Variants in KLF12 observed in about 807,000 individuals in gnomAD.
KLF12 encodes Krueppel-like factor 12.
Under a neutral mutation model 37.8 loss-of-function variants are expected in KLF12, and 9 were observed. The ratio of observed to expected loss-of-function variants is 0.24; its 90% CI spans 0.14 to 0.42. The LOEUF (loss-of-function observed/expected upper bound fraction) is 0.42, where lower values mean the gene tolerates loss of function less well. Ranked by LOEUF, KLF12 falls within the 10% of genes least tolerant of loss-of-function variation. KLF12 has a pLI of 1.00. For missense variants in KLF12, 411 were observed against 516.0 expected, an observed-to-expected ratio of 0.80 and a Z score of 1.97; for synonymous variants, 208 against 202.1, an observed-to-expected ratio of 1.03 and a Z score of -0.25.
chr13:73,913,553 T>A (rs1888674936), intron 3 of KLF12, among the ~76,000 whole-genome samples: 2 of 152,160 alleles, frequency 1.3e-5, no homozygotes, highest in Non-Finnish European at 2.9e-5. Flanking sequence ...ACCAAGAGAC[T>A]CCTCAGTCCT....
At chr13:73,743,674 T>C (rs113433520) in intron 6 of KLF12, among the ~76,000 whole-genome samples, 2,611 of 152,202 alleles carry the variant, frequency 0.017, 64 homozygotes, top group African/African-American at 0.056. Flanking sequence ...TATGTGTGGG[T>C]TTATGTGTAT....
At chr13:74,075,175 C>CACTGAGGATG (rs1477510069) in intron 1 of KLF12, among the ~76,000 whole-genome samples, 3 of 152,170 alleles carry the variant, frequency 2.0e-5, no homozygotes, top group African/African-American at 7.2e-5. Flanking sequence ...ATTTACTAAG[C>CACTGAGGATG]ACTGAGGATG....
chr13:73,813,100 T>C (rs1594120972), intron 5 of KLF12, 52 bp downstream of exon 5: 1 of 1,589,434 alleles, frequency 6.3e-7, no homozygotes, highest in Admixed American at 1.7e-5. Context: ...GTTTCCATTA[T>C]CCATTGAACA....
At chr13:74,025,563 TAAA>T (rs113282471) in intron 1 of KLF12, among the ~76,000 whole-genome samples, 5 of 140,322 alleles carry the variant, frequency 3.6e-5, no homozygotes, top group Non-Finnish European at 1.6e-5. Context: ...TGTTCAGAGT[TAAA>T]AAAAAAAAAA....
At chr13:73,742,491 C>T (rs866643816) in intron 6 of KLF12, among the ~76,000 whole-genome samples, 9 of 152,304 alleles carry the variant, frequency 5.9e-5, no homozygotes, top group Middle Eastern at 6.8e-3. Context: ...TGGCTAGATA[C>T]TACGCTAAAT....
intron 3 of KLF12, 131 bp downstream of exon 3, chr13:73,943,850 T>C: frequency 1.6e-6 from 1 of 620,708 alleles, no homozygotes; most frequent in Non-Finnish European, 2.8e-6. Context: ...AGATTTTTGT[T>C]TGTTTTAACC....
chr13:74,029,545 T>C (rs892844920), intron 1 of KLF12, among the ~76,000 whole-genome samples: 21 of 152,234 alleles, frequency 1.4e-4, no homozygotes, highest in African/African-American at 5.1e-4. Flanking sequence ...TCTTTACGGT[T>C]CTCTGTAGTG....
At position 73,690,610 on chromosome 13, in the gene KLF12, A is replaced by G. The variant is rs1873763169; in HGVS notation, c.*4880T>C. 1 of 152,212 alleles carries G rather than the reference A, an allele frequency of 6.6e-6. No homozygotes were observed. The highest frequency in any genetic ancestry group is 1.5e-5 in the Non-Finnish European group (1 of 68,028). 9.4% of individuals were successfully genotyped at this position (152,212 alleles called of 1,614,324 possible). On this transcript the variant is annotated 3_prime_UTR_variant, in exon 8 of 8. Coordinates refer to ENST00000377669, the MANE Select transcript of KLF12 (RefSeq NM_007249.5). ...CTAAACCATGACAAGTGGCCACTCT[A>G]TTTTGAACAGAACACGAAGAGCATG...
the KLF12 span, among the ~76,000 whole-genome samples, chr13:74,270,143 G>A: frequency 0.43 from 65,568 of 151,976 alleles, 17,011 homozygotes; most frequent in East Asian, 0.75. Context: ...TAAACCCTTG[G>A]AATTCTCTGA....
the KLF12 span, among the ~76,000 whole-genome samples, chr13:74,170,529 A>G: frequency 6.6e-6 from 1 of 152,276 alleles, no homozygotes; most frequent in African/African-American, 2.4e-5. Context: ...TTTGCCCTGC[A>G]TTCCCTGGCT....
At chr13:74,016,377 A>G (rs1368596575) in intron 1 of KLF12, among the ~76,000 whole-genome samples, 1 of 152,124 alleles carries the variant, frequency 6.6e-6, no homozygotes, top group African/African-American at 2.4e-5. Flanking sequence ...TTGTTTTTTA[A>G]GAGACAAGGT....
the KLF12 span, among the ~76,000 whole-genome samples, chr13:74,154,420 T>C: frequency 8.5e-5 from 13 of 152,290 alleles, no homozygotes; most frequent in African/African-American, 3.1e-4. Flanking sequence ...TCGATTTTTG[T>C]TTATATACAA....
At chr13:73,958,515 T>C (rs1890919945) in intron 2 of KLF12, among the ~76,000 whole-genome samples, 1 of 152,196 alleles carries the variant, frequency 6.6e-6, no homozygotes, top group Admixed American at 6.5e-5. Context: ...AGTGCTGGAA[T>C]TACAGGCGTG....
At chr13:74,169,819 G>A in the KLF12 span, among the ~76,000 whole-genome samples, 4 of 152,194 alleles carry the variant, frequency 2.6e-5, no homozygotes, top group African/African-American at 4.8e-5. Flanking sequence ...AGATTGTCTG[G>A]AGGGTGAGAA....
intron 1 of KLF12, among the ~76,000 whole-genome samples, chr13:74,067,026 T>A (rs1169259931): frequency 5.3e-5 from 8 of 152,196 alleles, no homozygotes; most frequent in Non-Finnish European, 4.4e-5. Flanking sequence ...GGGACACACA[T>A]AGCTAACTGC....
chr13:73,757,376 A>T (rs1266987971), intron 6 of KLF12, among the ~76,000 whole-genome samples: 1 of 152,180 alleles, frequency 6.6e-6, no homozygotes, highest in African/African-American at 2.4e-5. Flanking sequence ...AATTTAAAGA[A>T]ATGTATTATT....
chr13:74,178,906 T>G, the KLF12 span, among the ~76,000 whole-genome samples: 1 of 152,200 alleles, frequency 6.6e-6, no homozygotes, highest in Non-Finnish European at 1.5e-5. Flanking sequence ...ACTAACAATT[T>G]ATAATCTGTT....
chr13:73,834,848 G>A (rs1292411398), intron 4 of KLF12, among the ~76,000 whole-genome samples: 1 of 152,072 alleles, frequency 6.6e-6, no homozygotes, highest in Non-Finnish European at 1.5e-5. Context: ...ACATTCTAGG[G>A]CACTGGTATC....
chr13:74,099,304 G>A (rs1477295717), intron 1 of KLF12, among the ~76,000 whole-genome samples: 1 of 152,068 alleles, frequency 6.6e-6, no homozygotes, highest in African/African-American at 2.4e-5. Context: ...TAAGATCAAG[G>A]CCACTGCACT....
Sources: gnomAD v4.1 joint callset for allele counts (sites outside exome capture counted in the v4.1 genomes callset) on GRCh38, gnomAD v4.1.1 for gene constraint, MANE v1.5 for transcripts, NCBI Gene and HGNC (gene_info 2026-07-23, HGNC 2026-07-21) for gene names.